ALX3: variants seen among roughly 807,000 people sequenced by gnomAD.
ALX3 encodes the protein homeobox protein aristaless-like 3.
ALX3 carries 17 observed loss-of-function variants against 26.3 expected under a neutral mutation model. The ratio of observed to expected loss-of-function variants is 0.65; its 90% CI spans 0.44 to 0.97. The LOEUF (loss-of-function observed/expected upper bound fraction) is 0.97. ALX3 is among the 50% of genes least tolerant of loss of function. The pLI, the probability that ALX3 is intolerant of heterozygous loss-of-function variation, is 0.00. For missense variants in ALX3, 461 were observed against 466.5 expected (o/e 0.99, Z 0.11); for synonymous variants, 208 against 201.4 (o/e 1.03, Z -0.28).
At position 110,064,185 on chromosome 1, in the gene ALX3, G is replaced by A. The variant is rs189690958; in HGVS notation, c.594+402C>T. 1.3e-4 allele frequency among the ~76,000 whole-genome samples: 20 copies of A among 152,252 alleles called. No homozygotes were observed. In the East Asian group the frequency reaches 3.3e-3, roughly 25 times the overall value. ...CCTGATGTGTGTTCAGCACTTCACC[G>A]CTTCCAAAATGCGGCCATCCCTGTG... On this transcript the variant is annotated intron_variant, in intron 2 of 3. Coordinates refer to ENST00000647563, the MANE Select transcript of ALX3 (RefSeq NM_006492.3).
intron 2 of ALX3, among the ~76,000 whole-genome samples, chr1:110,062,870 G>A (rs1286368774): frequency 2.0e-5 from 3 of 152,156 alleles, no homozygotes; most frequent in Non-Finnish European, 2.9e-5. Flanking sequence ...TCCCCTGACA[G>A]AGGATGAGGG....
Position 110,060,795 on chromosome 1 carries a change from T to A in ALX3, c.970A>T (p.Ser324Cys), listed in dbSNP as rs1228665539. The change falls in exon 4 of 4, where the codon AGC becomes TGC. Residue 324 changes from serine (S) to cysteine (C), a missense_variant. Ser to Cys is a moderately radical substitution (Grantham distance 112, BLOSUM62 -1). Transcript: ENST00000647563. ...GGCTTTACCCTGAGCGAGACGAGGC[T>A]TGGAGACTTATAGTCACCATCTGAG... ...PSSDGDYKSP[S>C]LVSLRVKPKE... is the part of the protein sequence containing the mutation. The A allele has an allele frequency of 2.5e-6, 4 of 1,613,718 alleles. No individual in the cohort carries two copies. The highest frequency in any genetic ancestry group is 3.4e-6 in the Non-Finnish European group (4 of 1,179,834).
chr1:110,061,208 A>T (rs887771153), intron 3 of ALX3, 167 bp from the exon 4 acceptor site: 4 of 985,886 alleles, frequency 4.1e-6, no homozygotes, highest in Non-Finnish European at 6.1e-6. Context: ...GCATCTCAGG[A>T]GGCCCCTGCC....
chr1:110,066,117 G>C (rs556682261), intron 1 of ALX3, among the ~76,000 whole-genome samples: 2 of 152,258 alleles, frequency 1.3e-5, no homozygotes. Context: ...CACAGCTGTG[G>C]TTGGGGGAGG....
intron 2 of ALX3, 124 bp downstream of exon 2, chr1:110,064,463 C>T: frequency 8.3e-7 from 1 of 1,197,746 alleles, no homozygotes; most frequent in South Asian, 1.4e-5. Context: ...AAGGCTGGTG[C>T]AGGCCCCTGG....
At chr1:110,061,149 C>G in intron 3 of ALX3, 108 bp from the exon 4 acceptor site, 1 of 1,308,682 alleles carries the variant, frequency 7.6e-7, no homozygotes, top group East Asian at 2.5e-5. Context: ...TTCCAGGAAA[C>G]CTCCACTTGG....
intron 1 of ALX3, among the ~76,000 whole-genome samples, chr1:110,067,004 C>T (rs1364328218): frequency 6.6e-6 from 1 of 152,198 alleles, no homozygotes; most frequent in Non-Finnish European, 1.5e-5. Flanking sequence ...ACAGCCCTCT[C>T]AAGGGACCAC....
chr1:110,065,171 AG>A lies in ALX3; in HGVS notation c.278-269del, dbSNP rs770299768. On this transcript the variant is annotated intron_variant, in intron 1 of 3. Transcript: ENST00000647563. ...GCCAGAGTGGGGTTCATTTCGGGGA[AG>A]TGCTCTGTGGTGGTGCGTTCCACAG... is the stretch of plus-strand genomic sequence containing the variant. Among the ~76,000 whole-genome samples the A allele has an allele frequency of 1.2e-3, 179 of 152,252 alleles. 2 individuals carry two copies. The highest frequency in any genetic ancestry group is 2.0e-3 in the Non-Finnish European group (137 of 68,000).
rs200156688 is a variant in ALX3 at position 110,064,744 on chromosome 1, A to G, written c.437T>C (p.Leu146Ser). 6.2e-7 allele frequency: 1 copy of G among 1,614,206 alleles called. No individual in the cohort carries two copies. Among genetic ancestry groups the G allele is most frequent in the Non-Finnish European group, 8.5e-7 (1 of 1,180,034 alleles). The change falls in exon 2 of 4, where the codon TTG (leucine) becomes TCG (serine). Residue 146 changes from leucine (L) to serine (S), a missense_variant. This residue lies in a region of ALX3 where 241 missense variants were observed against 206.1 expected (regional missense o/e 1.17). Transcript: ENST00000647563. ...ACGCTTCTTGCTCTTGTTCTTGGCC[A>G]ACTCCATGGAGTCAGGGAGTCCCGG... is the stretch of plus-strand genomic sequence containing the variant. ...LSPGLPDSMELAKNKSKKRRN... is the reference protein window; with the variant it reads ...LSPGLPDSMESAKNKSKKRRN...
intron 1 of ALX3, among the ~76,000 whole-genome samples, chr1:110,066,073 G>T (rs2101798003): frequency 1.3e-5 from 2 of 152,372 alleles, no homozygotes; most frequent in Middle Eastern, 6.8e-3. Flanking sequence ...GCTGGCACAA[G>T]AGGCAGTGTC....
rs376262878 is a variant in ALX3, at chr1:110,060,806, T to A, written c.959A>T (p.Tyr320Phe). 13 of 1,613,818 alleles carry A rather than the reference T, an allele frequency of 8.1e-6. No homozygotes were observed. Among genetic ancestry groups the A allele is most frequent in the African/African-American group, 1.3e-5 (1 of 74,914 alleles). Reference sequence around the variant, plus strand: ...GAGCGAGACGAGGCTTGGAGACTTATAGTCACCATCTGAGGAAGGCTCAAA... The same window carrying A: ...GAGCGAGACGAGGCTTGGAGACTTAAAGTCACCATCTGAGGAAGGCTCAAA... The part of the protein sequence containing the change: ...HSFEPSSDGD[Y>F]KSPSLVSLRV... The change falls in exon 4 of 4, where the codon TAT becomes TTT. Residue 320 changes from tyrosine to phenylalanine, a missense_variant. Coordinates refer to ENST00000647563, the MANE Select transcript of ALX3 (RefSeq NM_006492.3).
Position 110,070,558 on chromosome 1 carries a change from C to G in ALX3, c.55G>C (p.Val19Leu). 7.6e-7 allele frequency: 1 copy of G among 1,311,280 alleles called. No homozygotes were observed. Among genetic ancestry groups the G allele is most frequent in the Non-Finnish European group, 9.7e-7 (1 of 1,027,750 alleles). 81.2% of individuals were successfully genotyped at this position (1,311,280 alleles called of 1,614,324 possible). ...CCCGGAGGCTCGTCCCCCGAGGCCA[C>G]ATAGGGGCCGGGTGCAGGCCCCACG... ...FRVGPAPGPY[V>L]ASGDEPPGPQ... Residue 19 changes from valine (V) to leucine (L), a missense_variant, in exon 1 of 4, where the codon GTG (valine) becomes CTG (leucine). Transcript: ENST00000647563.
At position 110,070,366 on chromosome 1, in the gene ALX3, C is replaced by G. The variant is rs763124335; in HGVS notation, c.247G>C (p.Gly83Arg). 9 of 1,288,902 alleles carry G rather than the reference C, an allele frequency of 7.0e-6. No individual in the cohort carries two copies. Among genetic ancestry groups the G allele is most frequent in the Middle Eastern group, 2.9e-4 (1 of 3,398 alleles). 79.8% of individuals were successfully genotyped at this position (1,288,902 alleles called of 1,614,324 possible). A position where few individuals can be genotyped will look rare whatever the true frequency, so the allele number is the denominator to read the frequency against. Reference sequence around the variant, plus strand: ...GCGGGGCCCTCGTAGAAGTGGCCGCCGTTGAGGGCCGGGCCGGGCCCGAGG... The same window carrying G: ...GCGGGGCCCTCGTAGAAGTGGCCGCGGTTGAGGGCCGGGCCGGGCCCGAGG... ...QDLGPGPALNGGHFYEGPAEA... is the reference protein window; with the variant it reads ...QDLGPGPALNRGHFYEGPAEA... The change falls in exon 1 of 4, where the codon GGC (glycine) becomes CGC (arginine). Residue 83 changes from glycine to arginine, a missense_variant. Gly to Arg is a moderately radical substitution (Grantham distance 125). Transcript: ENST00000647563.
At position 110,060,805 on chromosome 1, in the gene ALX3, A is replaced by G. The variant is rs1314852475; in HGVS notation, c.960T>C (p.Tyr320=). The G allele has an allele frequency of 5.6e-6, 9 of 1,613,972 alleles. No homozygotes were observed. Among genetic ancestry groups the G allele is most frequent in the Non-Finnish European group, 7.6e-6 (9 of 1,179,978 alleles). The change falls in exon 4 of 4, where the codon TAT becomes TAC. Residue 320 remains tyrosine (Y), a synonymous_variant. Transcript: ENST00000647563. The stretch of plus-strand genomic sequence containing the variant: ...TGAGCGAGACGAGGCTTGGAGACTT[A>G]TAGTCACCATCTGAGGAAGGCTCAA... ...HSFEPSSDGD[Y]KSPSLVSLRV...
At chr1:110,064,066 C>A (rs1557802647) in intron 2 of ALX3, among the ~76,000 whole-genome samples, 3 of 152,030 alleles carry the variant, frequency 2.0e-5, no homozygotes, top group Non-Finnish European at 4.4e-5. Context: ...GGCAGGGACC[C>A]AAGGTCGGTG....
chr1:110,064,181 C>T (rs1281062146), intron 2 of ALX3, among the ~76,000 whole-genome samples: 1 of 152,198 alleles, frequency 6.6e-6, no homozygotes, highest in Admixed American at 6.5e-5. Flanking sequence ...TTCAGCACTT[C>T]ACCGCTTCCA....
intron 2 of ALX3, 92 bp downstream of exon 2, chr1:110,064,495 C>T: frequency 1.4e-6 from 2 of 1,479,112 alleles, no homozygotes; most frequent in Non-Finnish European, 1.9e-6. Flanking sequence ...CTGGGAGGCA[C>T]CAGTGCCCAC....
intron 1 of ALX3, among the ~76,000 whole-genome samples, chr1:110,065,650 C>G (rs1653763248): frequency 6.6e-6 from 1 of 152,216 alleles, no homozygotes; most frequent in African/African-American, 2.4e-5. Flanking sequence ...AGTGTCACAA[C>G]AGGGCACAGC....
At position 110,061,469 on chromosome 1, in the gene ALX3, A is replaced by C. The variant is rs199801560; in HGVS notation, c.689T>G (p.Ile230Ser). 19 of 1,614,114 alleles carry C rather than the reference A, an allele frequency of 1.2e-5. No homozygotes were observed. The Admixed American group carries it at 2.5e-4, about 21-fold the overall frequency. Residue 230 changes from isoleucine to serine, a missense_variant, in exon 3 of 4, where the codon ATC (isoleucine) becomes AGC (serine). This residue lies in a region of ALX3 where 169 missense variants were observed against 178.0 expected (regional missense o/e 0.95). Transcript: ENST00000647563. ...GCTGTCAGTACGGGGCAGCACAGAGATGTCATAGGCAGCCGTGAAGGGGTT... is the reference window on the plus strand; with the variant it reads ...GCTGTCAGTACGGGGCAGCACAGAGCTGTCATAGGCAGCCGTGAAGGGGTT... ...GRNPFTAAYDISVLPRTDSHP... is the reference protein window; with the variant it reads ...GRNPFTAAYDSSVLPRTDSHP...
Sources: gnomAD v4.1 joint callset for allele counts (sites outside exome capture counted in the v4.1 genomes callset) on GRCh38, gnomAD v4.1.1 for gene constraint, gnomAD v4.1.1 regional missense constraint, MANE v1.5 for transcripts, NCBI Gene and HGNC (gene_info 2026-07-23, HGNC 2026-07-21) for gene names.